ORAI2: variants seen among roughly 807,000 people sequenced by gnomAD.
ORAI2 encodes the protein ORAI calcium release-activated calcium modulator 2.
ORAI2 carries 10 observed loss-of-function variants against 16.2 expected under a neutral mutation model. The observed-to-expected ratio is 0.62, with a 90% CI of 0.38 to 1.04. The LOEUF is 1.04. ORAI2 is among the 50% of genes least tolerant of loss of function. ORAI2 has a pLI of 0.01. For missense variants in ORAI2, 238 were observed against 355.5 expected (o/e 0.67, Z 2.66); for synonymous variants, 150 against 157.5 (o/e 0.95, Z 0.35).
chr7:102,447,508 C>T lies in ORAI2; in HGVS notation c.*456C>T, dbSNP rs1235339546. On this transcript the variant is annotated 3_prime_UTR_variant, in exon 4 of 4. Transcript: ENST00000495936. ...CATGGGTGCTGAGTGGCCCGTGTGA[C>T]AGTGATGACACGAAGGCTTCGGCGT... The T allele has an allele frequency of 6.0e-6, 1 of 165,548 alleles. No homozygotes were observed. The highest frequency in any genetic ancestry group is 1.3e-5 in the Non-Finnish European group (1 of 76,702). 10.3% of individuals were successfully genotyped at this position (165,548 alleles called of 1,614,324 possible). A position where few individuals can be genotyped will look rare whatever the true frequency, so the allele number is the denominator to read the frequency against.
At chr7:102,438,882 G>A (rs576456043) in intron 2 of ORAI2, 62 bp from the exon 3 acceptor site, 8 of 1,512,908 alleles carry the variant, frequency 5.3e-6, no homozygotes, top group Non-Finnish European at 7.3e-6. Flanking sequence ...TGGGCTTGGA[G>A]TCTAGCTCTT....
At chr7:102,435,569 C>T (rs1240849904) in intron 1 of ORAI2, among the ~76,000 whole-genome samples, 2 of 141,234 alleles carry the variant, frequency 1.4e-5, no homozygotes, top group Non-Finnish European at 3.0e-5. Flanking sequence ...TGGAGTCTCG[C>T]TCTGTTGCCC....
intron 3 of ORAI2, among the ~76,000 whole-genome samples, chr7:102,445,931 T>C (rs1464972558): frequency 7.9e-5 from 12 of 151,258 alleles, no homozygotes; most frequent in Non-Finnish European, 1.6e-4. Flanking sequence ...CTTTCCTTTC[T>C]TTTCTTTCTT....
intron 3 of ORAI2, among the ~76,000 whole-genome samples, chr7:102,440,051 C>A (rs909477962): frequency 6.6e-6 from 1 of 152,118 alleles, no homozygotes; most frequent in Non-Finnish European, 1.5e-5. Flanking sequence ...CCACTATACT[C>A]CAGCTGGTCA....
intron 3 of ORAI2, among the ~76,000 whole-genome samples, chr7:102,443,298 G>A (rs1269678934): frequency 3.6e-5 from 5 of 140,188 alleles, no homozygotes; most frequent in East Asian, 2.1e-4. Context: ...TTTTTGAGAC[G>A]GAATCTTGCG....
Position 102,453,376 on chromosome 7 carries a change from G to A in ORAI2, c.*6324G>A, listed in dbSNP as rs940662624. 6.6e-6 allele frequency: 1 copy of A among 152,192 alleles called. No homozygotes were observed. Among genetic ancestry groups the A allele is most frequent in the Non-Finnish European group, 1.5e-5 (1 of 68,052 alleles). 9.4% of individuals were successfully genotyped at this position (152,192 alleles called of 1,614,324 possible). A position where few individuals can be genotyped will look rare whatever the true frequency, so the allele number is the denominator to read the frequency against. On this transcript the variant is annotated 3_prime_UTR_variant, in exon 4 of 4. Coordinates refer to ENST00000495936, the MANE Select transcript of ORAI2 (RefSeq NM_001126340.3). ...TCCGCTGGCCTCAGCCTCCTAAAGTGCTGGATTACAGGCATGAGCCACCGT... is the reference window on the plus strand; with the variant it reads ...TCCGCTGGCCTCAGCCTCCTAAAGTACTGGATTACAGGCATGAGCCACCGT...
At chr7:102,440,203 C>T (rs1297967175) in intron 3 of ORAI2, among the ~76,000 whole-genome samples, 1 of 152,200 alleles carries the variant, frequency 6.6e-6, no homozygotes, top group Non-Finnish European at 1.5e-5. Flanking sequence ...GTTTGGAACT[C>T]TCAGGGATCT....
In ORAI2 at chr7:102,449,891, A is replaced by G. The variant is rs1797480086; in HGVS notation, c.*2839A>G. 1 of 152,176 alleles carries G rather than the reference A, an allele frequency of 6.6e-6. No homozygotes were observed. The highest frequency in any genetic ancestry group is 1.5e-5 in the Non-Finnish European group (1 of 68,102). The allele number at this position is 152,176 out of a possible 1,614,324, so 9.4% of individuals were successfully genotyped here. On this transcript the variant is annotated 3_prime_UTR_variant, in exon 4 of 4. Coordinates refer to ENST00000495936, the MANE Select transcript of ORAI2 (RefSeq NM_001126340.3). The stretch of plus-strand genomic sequence containing the variant: ...ATAATCCCAGCACTTTGGGAGGCCA[A>G]AGCAGGTGGATCACTTGAGGTCAGG...
rs368278302 is a variant in ORAI2, at chr7:102,443,089, TTTCTTCTTCTTCTTCTTCTTC to T, written c.226-3400_226-3380del. ...AACACAGTGAAAAATTGCCTTCTCTTTTCTTCTTCTTCTTCTTCTTCTTCTTCTTCTTCTTCTTCTTCTTTT... is the reference window on the plus strand; with the variant it reads ...AACACAGTGAAAAATTGCCTTCTCTTTTCTTCTTCTTCTTCTTCTTCTTTT... On this transcript the variant is annotated intron_variant, in intron 3 of 3. Transcript: ENST00000495936. Among the ~76,000 whole-genome samples, 752 of 125,658 alleles carry T rather than the reference TTTCTTCTTCTTCTTCTTCTTC, an allele frequency of 6.0e-3. 10 individuals are homozygous for T. The highest frequency in any genetic ancestry group is 0.021 in the African/African-American group (706 of 33,466). The allele number at this position is 125,658 out of a possible 152,430, so 82.4% of individuals were successfully genotyped here. A position where few individuals can be genotyped will look rare whatever the true frequency, so the allele number is the denominator to read the frequency against.
At position 102,454,180 on chromosome 7, in the gene ORAI2, A is replaced by G. The variant is rs1797593573; in HGVS notation, c.*7128A>G. The G allele has an allele frequency of 6.6e-6, 1 of 152,154 alleles. No individual in the cohort carries two copies. Among genetic ancestry groups the G allele is most frequent in the Non-Finnish European group, 1.5e-5 (1 of 68,154 alleles). The allele number at this position is 152,154 out of a possible 1,614,324, so 9.4% of individuals were successfully genotyped here. A position where few individuals can be genotyped will look rare whatever the true frequency, so the allele number is the denominator to read the frequency against. On this transcript the variant is annotated 3_prime_UTR_variant, in exon 4 of 4. Transcript: ENST00000495936. ...GAGGCTGAGGTGGGCGGATCGCTTG[A>G]GCCAAGGAGTTCGAGACCAGCCTGG...
chr7:102,438,945 C>T lies in ORAI2; in HGVS notation c.-12C>T, dbSNP rs1333985270. The T allele has an allele frequency of 1.2e-6, 2 of 1,613,760 alleles. No individual in the cohort carries two copies. Among genetic ancestry groups the T allele is most frequent in the South Asian group, 2.2e-5 (2 of 91,074 alleles). ...AGCATGTCTCTCTCCCACCCTTAGC[C>T]TGGCTCCCACCATGAGTGCTGAGCT... On this transcript the variant is annotated splice_region_variant and 5_prime_UTR_variant, in exon 3 of 4. Transcript: ENST00000495936.
At position 102,452,558 on chromosome 7, in the gene ORAI2, C is replaced by G. The variant is rs1319951098; in HGVS notation, c.*5506C>G. 3 of 152,164 alleles carry G rather than the reference C, an allele frequency of 2.0e-5. No homozygotes were observed. Among genetic ancestry groups the G allele is most frequent in the African/African-American group, 7.2e-5 (3 of 41,422 alleles). The allele number at this position is 152,164 out of a possible 1,614,324, so 9.4% of individuals were successfully genotyped here. A position where few individuals can be genotyped will look rare whatever the true frequency, so the allele number is the denominator to read the frequency against. ...GCGCAAGCAATCCTCCCACCTCAGT[C>G]TCCCAAGTAGCTACACTTGGGAGAC... On this transcript the variant is annotated 3_prime_UTR_variant, in exon 4 of 4. Transcript: ENST00000495936.
In ORAI2 at chr7:102,452,523, C is replaced by T. The variant is rs566936150; in HGVS notation, c.*5471C>T. ...TGCAATCATAGCTCTCTGCAGGCTC[C>T]AGCTTCTGGGCGCAAGCAATCCTCC... On this transcript the variant is annotated 3_prime_UTR_variant, in exon 4 of 4. Coordinates refer to ENST00000495936, the MANE Select transcript of ORAI2 (RefSeq NM_001126340.3). 2.0e-5 allele frequency: 3 copies of T among 152,308 alleles called. No individual in the cohort carries two copies. The East Asian group carries it at 5.8e-4, about 29-fold the overall frequency. The allele number at this position is 152,308 out of a possible 1,614,324, so 9.4% of individuals were successfully genotyped here.
rs1797539371 is a variant in ORAI2, at chr7:102,452,163, C to A, written c.*5111C>A. On this transcript the variant is annotated 3_prime_UTR_variant, in exon 4 of 4. Coordinates refer to ENST00000495936, the MANE Select transcript of ORAI2 (RefSeq NM_001126340.3). ...TTTTTTTTTTTTTGAGACAGAGTCG[C>A]TCTGTCACCCAAGCTGGAATGCGGT... is the stretch of plus-strand genomic sequence containing the variant. 6.6e-6 allele frequency: 1 copy of A among 151,534 alleles called. No individual in the cohort carries two copies. 9.4% of individuals were successfully genotyped at this position (151,534 alleles called of 1,614,324 possible). A position where few individuals can be genotyped will look rare whatever the true frequency, so the allele number is the denominator to read the frequency against.
chr7:102,445,017 C>T (rs781507016), intron 3 of ORAI2, among the ~76,000 whole-genome samples: 5 of 77,730 alleles, frequency 6.4e-5, no homozygotes, highest in Admixed American at 1.3e-4. Flanking sequence ...TTGGTTTGTT[C>T]GTTTTAGACT....
At chr7:102,438,922 C>T (rs777410731) in intron 2 of ORAI2, 22 bp from the exon 3 acceptor site, 3 of 1,606,146 alleles carry the variant, frequency 1.9e-6, no homozygotes, top group South Asian at 2.2e-5. Context: ...GATGTCTGAG[C>T]ATGTCTCTCT....
Position 102,447,285 on chromosome 7 carries a change from G to C in ORAI2, c.*233G>C, listed in dbSNP as rs117324994. On this transcript the variant is annotated 3_prime_UTR_variant, in exon 4 of 4. Coordinates refer to ENST00000495936, the MANE Select transcript of ORAI2 (RefSeq NM_001126340.3). ...AAAGCCAGGCTGGTTCCTTGGCCTC[G>C]GGGTTTCCTGGGTCGGGGACACGGT... The C allele has an allele frequency of 5.4e-6, 3 of 552,390 alleles. No individual in the cohort carries two copies. The highest frequency in any genetic ancestry group is 9.4e-6 in the Non-Finnish European group (3 of 318,442). 34.2% of individuals were successfully genotyped at this position (552,390 alleles called of 1,614,324 possible).
intron 2 of ORAI2, among the ~76,000 whole-genome samples, chr7:102,437,285 C>T (rs1349844622): frequency 6.6e-6 from 1 of 152,072 alleles, no homozygotes; most frequent in Non-Finnish European, 1.5e-5. Context: ...TTATGTAAGT[C>T]CAATATTTTT....
intron 3 of ORAI2, among the ~76,000 whole-genome samples, chr7:102,439,742 C>T (rs1007214635): frequency 2.0e-5 from 3 of 151,830 alleles, no homozygotes; most frequent in East Asian, 1.9e-4. Flanking sequence ...CCAGCCTGGA[C>T]GTCAGAGTGA....
Sources: gnomAD v4.1 joint callset for allele counts (sites outside exome capture counted in the v4.1 genomes callset) on GRCh38, gnomAD v4.1.1 for gene constraint, MANE v1.5 for transcripts, NCBI Gene and HGNC (gene_info 2026-07-23, HGNC 2026-07-21) for gene names.